Variants in TRRAP observed in about 807,000 individuals in gnomAD.
TRRAP encodes transformation/transcription domain associated protein, also known as transformation/transcription domain-associated protein.
In TRRAP, 41 loss-of-function variants were observed where a neutral mutation model predicts 438.8. The ratio of observed to expected loss-of-function variants is 0.09; its 90% CI spans 0.07 to 0.12. The LOEUF (loss-of-function observed/expected upper bound fraction) is 0.12, where lower values mean the gene tolerates loss of function less well. Ranked by LOEUF, TRRAP falls within the 10% of genes least tolerant of loss-of-function variation. The pLI is 1.00. For synonymous variants in TRRAP, 1,994 were observed against 1,962.9 expected (o/e 1.02, Z -0.42); for missense variants, 3,122 against 5,055.1 (o/e 0.62, Z 11.60).
chr7:98,975,937 G>C lies in TRRAP; in HGVS notation c.7840-212G>C, dbSNP rs74377135. 3.1e-3 allele frequency: 1,740 copies of C among 567,100 alleles called. 26 individuals carry two copies. Among genetic ancestry groups the C allele is most frequent in the African/African-American group, 0.027 (1,452 of 53,148 alleles). The allele number at this position is 567,100 out of a possible 1,614,324, so 35.1% of individuals were successfully genotyped here. On this transcript the variant is annotated intron_variant, in intron 53 of 72. Coordinates refer to ENST00000456197, the MANE Select transcript of TRRAP (RefSeq NM_001375524.1). ...GCGCCATTGCTGAGCCTCTCGGGATGCCTGGGCTTGGCTGCTAAGTGCACC... is the reference window on the plus strand; with the variant it reads ...GCGCCATTGCTGAGCCTCTCGGGATCCCTGGGCTTGGCTGCTAAGTGCACC...
Position 98,956,151 on chromosome 7 carries a change from C to T in TRRAP, c.5943C>T (p.Tyr1981=), listed in dbSNP as rs147449842. 13 of 1,611,058 alleles carry T rather than the reference C, an allele frequency of 8.1e-6. No individual in the cohort carries two copies. Among genetic ancestry groups the T allele is most frequent in the Non-Finnish European group, 1.1e-5 (13 of 1,179,448 alleles). The change falls in exon 42 of 73, where the codon TAC becomes TAT. Residue 1981 remains tyrosine, a synonymous_variant. Coordinates refer to ENST00000456197, the MANE Select transcript of TRRAP (RefSeq NM_001375524.1). This position sits in a 1 kb window ranked among gnomAD's most constrained non-coding sequence, Gnocchi z 4.5. ...TGCTGGCCCTGCGTCCGCAGGTGTA[C>T]TACCCGGTACGGCACCACTTGGTGC... ...LHLIVQHFKV[Y]YPVRHHLVQH... is the part of the protein sequence containing the mutation.
intron 30 of TRRAP, among the ~76,000 whole-genome samples, chr7:98,939,872 T>G (rs1396906241): frequency 6.6e-6 from 1 of 151,866 alleles, no homozygotes; most frequent in East Asian, 1.9e-4. Flanking sequence ...CAGCTTTGGT[T>G]TGTTTGTTTA....
intron 1 of TRRAP, among the ~76,000 whole-genome samples, chr7:98,880,656 G>A (rs1456349699): frequency 1.3e-5 from 2 of 152,148 alleles, no homozygotes; most frequent in African/African-American, 4.8e-5. Context: ...GTAAATGAGA[G>A]TTATATGAAA....
Position 98,990,361 on chromosome 7 carries a change from C to T in TRRAP, c.9592-94C>T, listed in dbSNP as rs138046019. On this transcript the variant is annotated intron_variant, in intron 63 of 72. Transcript: ENST00000456197. ...ACTTTTTTTACATGGCCAGTAAAGC[C>T]GCTCTATACAGTGTTGTAATGTTGG... is the stretch of plus-strand genomic sequence containing the variant. The T allele has an allele frequency of 9.0e-6, 12 of 1,327,524 alleles. No individual in the cohort carries two copies. In the African/African-American group the frequency reaches 1.0e-4, roughly 11 times the overall value. 82.2% of individuals were successfully genotyped at this position (1,327,524 alleles called of 1,614,324 possible). A position where few individuals can be genotyped will look rare whatever the true frequency, so the allele number is the denominator to read the frequency against.
rs1791933313 is a variant in TRRAP at position 98,962,284 on chromosome 7, G to T, written c.6704-18G>T. On this transcript the variant is annotated intron_variant, in intron 46 of 72. Coordinates refer to ENST00000456197, the MANE Select transcript of TRRAP (RefSeq NM_001375524.1). ...CAAGAGCCATAACCACAGTGCCTGG[G>T]TCCCTGCCCTGTTGTAGGTACTTCC... 6.2e-7 allele frequency: 1 copy of T among 1,613,950 alleles called. No homozygotes were observed. The highest frequency in any genetic ancestry group is 8.5e-7 in the Non-Finnish European group (1 of 1,179,948).
Position 98,970,311 on chromosome 7 carries a change from A to G in TRRAP, c.7692+20A>G, listed in dbSNP as rs752710701. 2 of 1,607,476 alleles carry G rather than the reference A, an allele frequency of 1.2e-6. No homozygotes were observed. The highest frequency in any genetic ancestry group is 2.2e-5 in the East Asian group (1 of 44,792). On this transcript the variant is annotated intron_variant, in intron 52 of 72. Coordinates refer to ENST00000456197, the MANE Select transcript of TRRAP (RefSeq NM_001375524.1). Reference sequence around the variant, plus strand: ...GAGGAGGTGAGGCCCTGCACCCCACAGGCAGAATCCCAGAGAGGAGGTGAG... The same window carrying G: ...GAGGAGGTGAGGCCCTGCACCCCACGGGCAGAATCCCAGAGAGGAGGTGAG...
intron 63 of TRRAP, 87 bp downstream of exon 63, chr7:98,989,053 G>T: frequency 7.1e-7 from 1 of 1,409,392 alleles, no homozygotes; most frequent in East Asian, 2.5e-5. Flanking sequence ...ACTCATCCGT[G>T]CCGGGTGTGA....
intron 44 of TRRAP, among the ~76,000 whole-genome samples, chr7:98,958,726 T>G (rs1240838657): frequency 2.6e-5 from 4 of 152,196 alleles, no homozygotes; most frequent in African/African-American, 9.7e-5. Flanking sequence ...ATCATTTAAC[T>G]TCCAGGTGTT....
chr7:98,965,247 C>CA, intron 48 of TRRAP, among the ~76,000 whole-genome samples: 1 of 152,356 alleles, frequency 6.6e-6, no homozygotes, highest in East Asian at 1.9e-4. Flanking sequence ...TGAGACTTAC[C>CA]AGTGCTTACT....
Position 98,965,758 on chromosome 7 carries a change from A to T in TRRAP, c.7039A>T (p.Met2347Leu). 6.2e-7 allele frequency: 1 copy of T among 1,614,158 alleles called. No individual in the cohort carries two copies. Among genetic ancestry groups the T allele is most frequent in the Non-Finnish European group, 8.5e-7 (1 of 1,180,032 alleles). ...LVKTRLAVMS[M>L]EMRKNFIQAI... is the part of the protein sequence containing the mutation. The stretch of plus-strand genomic sequence containing the variant: ...GAAGACGCGCCTGGCAGTGATGAGC[A>T]TGGAGATGCGGAAGAACTTCATCCA... Residue 2347 changes from methionine (M) to leucine (L), a missense_variant, in exon 49 of 73, where the codon ATG becomes TTG. Around this residue, in one of 24 missense-constraint regions of TRRAP, gnomAD observed 992 missense variants for 1,281.2 expected, o/e 0.77. Coordinates refer to ENST00000456197, the MANE Select transcript of TRRAP (RefSeq NM_001375524.1).
At chr7:98,879,101 C>G (rs1795301015) in intron 1 of TRRAP, among the ~76,000 whole-genome samples, 2 of 152,294 alleles carry the variant, frequency 1.3e-5, no homozygotes, top group Admixed American at 1.3e-4. Context: ...CCACAGCGCC[C>G]CCTCTGGCCC....
At chr7:98,931,298 G>A in intron 25 of TRRAP, 107 bp from the exon 26 acceptor site, 2 of 1,499,916 alleles carry the variant, frequency 1.3e-6, no homozygotes, top group South Asian at 1.3e-5. Context: ...TGGCGAGAAG[G>A]GCATGGACCC....
At position 98,880,262 on chromosome 7, in the gene TRRAP, G is replaced by GTTTTTTT. The variant is rs201053093; in HGVS notation, c.-61-817_-61-811dup. Among the ~76,000 whole-genome samples the GTTTTTTT allele has an allele frequency of 1.9e-3, 249 of 132,078 alleles. 6 individuals are homozygous for GTTTTTTT. The highest frequency in any genetic ancestry group is 5.3e-3 in the African/African-American group (185 of 35,014). 86.6% of individuals were successfully genotyped at this position (132,078 alleles called of 152,430 possible). ...CTGCCTGCGTTTTGTTGTTGTTGTTGTTTTTTTTTTTTTTTTTCCGAGACT... is the reference window on the plus strand; with the variant it reads ...CTGCCTGCGTTTTGTTGTTGTTGTTGTTTTTTTTTTTTTTTTTTTTTTTTCCGAGACT... On this transcript the variant is annotated intron_variant, in intron 1 of 72. Transcript: ENST00000456197.
rs1554418168 is a variant in TRRAP, at chr7:98,951,094, T to TGTGTGTGTG, written c.5463+90_5463+91insGTGTGTGTG. On this transcript the variant is annotated intron_variant, in intron 39 of 72. Transcript: ENST00000456197. Reference sequence around the variant, plus strand: ...GTGTGTGTGTGTGTGTGTGTGTGTGTTAAGGGGGTTCATTGAAATAAGTTT... The same window carrying TGTGTGTGTG: ...GTGTGTGTGTGTGTGTGTGTGTGTGTGTGTGTGTGTAAGGGGGTTCATTGAAATAAGTTT... 1,727 of 1,283,352 alleles carry TGTGTGTGTG rather than the reference T, an allele frequency of 1.3e-3. 1 individual carries two copies. Among genetic ancestry groups the TGTGTGTGTG allele is most frequent in the Non-Finnish European group, 1.5e-3 (1,529 of 995,220 alleles). 79.5% of individuals were successfully genotyped at this position (1,283,352 alleles called of 1,614,324 possible).
chr7:99,012,391 G>T lies in TRRAP; in HGVS notation c.*36G>T. On this transcript the variant is annotated 3_prime_UTR_variant, in exon 73 of 73. Coordinates refer to ENST00000456197, the MANE Select transcript of TRRAP (RefSeq NM_001375524.1). The surrounding 1 kb of genome is among the most constrained non-coding windows in gnomAD (Gnocchi z 5.9). ...CACGGCCACCCGGAATGTGAAGGGC[G>T]CTCCGGGCTCTGAGCCCGCAGCTTT... 1 of 1,545,520 alleles carries T rather than the reference G, an allele frequency of 6.5e-7. No individual in the cohort carries two copies. The highest frequency in any genetic ancestry group is 1.4e-5 in the African/African-American group (1 of 73,056).
In TRRAP at chr7:98,984,411, G is replaced by C. The variant is rs1793063187; in HGVS notation, c.9288+53G>C. 8.1e-6 allele frequency: 12 copies of C among 1,481,780 alleles called. No individual in the cohort carries two copies. The East Asian group carries it at 2.9e-4, about 36-fold the overall frequency. The allele number at this position is 1,481,780 out of a possible 1,614,324, so 91.8% of individuals were successfully genotyped here. Reference sequence around the variant, plus strand: ...GCCAGGTGGAGATTGAGGCCAGGTGGAGAATGAGGCAATGTGGGGTCTCCT... The same window carrying C: ...GCCAGGTGGAGATTGAGGCCAGGTGCAGAATGAGGCAATGTGGGGTCTCCT... On this transcript the variant is annotated intron_variant, in intron 61 of 72. Coordinates refer to ENST00000456197, the MANE Select transcript of TRRAP (RefSeq NM_001375524.1).
intron 62 of TRRAP, among the ~76,000 whole-genome samples, chr7:98,987,179 C>G (rs1793189860): frequency 6.6e-6 from 1 of 152,194 alleles, no homozygotes; most frequent in African/African-American, 2.4e-5. Flanking sequence ...TCTGGACTCT[C>G]ACTTCTATTC....
At chr7:98,894,599 C>G (rs1796112628) in intron 6 of TRRAP, among the ~76,000 whole-genome samples, 1 of 143,524 alleles carries the variant, frequency 7.0e-6, no homozygotes, top group Non-Finnish European at 1.5e-5. Context: ...ATTTTCTTTC[C>G]TTTCCTTTCT....
At position 98,892,510 on chromosome 7, in the gene TRRAP, G is replaced by A; in HGVS notation, c.348G>A (p.Val116=). The A allele has an allele frequency of 6.2e-7, 1 of 1,611,116 alleles. No individual in the cohort carries two copies. Among genetic ancestry groups the A allele is most frequent in the Non-Finnish European group, 8.5e-7 (1 of 1,179,344 alleles). The change falls in exon 5 of 73, where the codon GTG becomes GTA. Residue 116 remains valine, a synonymous_variant. Transcript: ENST00000456197. ...LRPHTKNVLS[V]MFRFLETENE... ...CTCACACAAAAAATGTTTTGTCTGT[G>A]ATGTTTCGCTTTTTAGAGGTAAGTT...
Sources: allele counts gnomAD v4.1 joint callset (sites outside exome capture counted in the v4.1 genomes callset), GRCh38; gene constraint gnomAD v4.1.1; regional missense constraint gnomAD v4.1.1; non-coding constraint Gnocchi (gnomAD v3.1); transcripts MANE v1.5; gene names NCBI Gene and HGNC (gene_info 2026-07-23, HGNC 2026-07-21).